NAV3: variants seen among roughly 807,000 people sequenced by gnomAD.
NAV3 encodes pore membrane and/or filament interacting like protein 1.
Under a neutral mutation model 244.7 loss-of-function variants are expected in NAV3, and 87 were observed. The observed-to-expected ratio is 0.36, with a 90% CI of 0.30 to 0.42. The LOEUF (loss-of-function observed/expected upper bound fraction) is 0.42. Among genes scored for constraint, NAV3 ranks in the 20% least tolerant of loss-of-function variants. The probability of loss-of-function intolerance (pLI) is 1.00; values close to 1 mark genes in which losing one functional copy is unlikely to be tolerated. For missense variants in NAV3, 2,663 were observed against 2,893.3 expected, an observed-to-expected ratio of 0.92 and a Z score of 1.83; for synonymous variants, 1,126 against 1,042.2, an observed-to-expected ratio of 1.08 and a Z score of -1.55.
chr12:77,978,072 A>T lies in NAV3; in HGVS notation c.671+9370A>T, dbSNP rs565934107. 3.3e-5 allele frequency among the ~76,000 whole-genome samples: 5 copies of T among 152,194 alleles called. No homozygotes were observed. The East Asian group carries it at 9.6e-4, about 29-fold the overall frequency. On this transcript the variant is annotated intron_variant, in intron 5 of 39. Coordinates refer to ENST00000397909, the MANE Select transcript of NAV3 (RefSeq NM_001024383.2). ...TAGTTTTACTTTTCTTAACTAAGTC[A>T]GAATCAGTTAAACTTGATTTTCTAG...
chr12:77,628,520 G>A (rs948291237), intron 2 of NAV3, among the ~76,000 whole-genome samples: 4 of 152,152 alleles, frequency 2.6e-5, no homozygotes, highest in African/African-American at 4.8e-5. Context: ...TTTTTCAATA[G>A]TAATTTTTAT....
At chr12:77,995,926 CCTCT>C (rs1872283236) in intron 6 of NAV3, among the ~76,000 whole-genome samples, 1 of 151,976 alleles carries the variant, frequency 6.6e-6, no homozygotes, top group Admixed American at 6.6e-5. Context: ...CTCTCTCTCT[CCTCT>C]CTGCTTCATC....
intron 2 of NAV3, among the ~76,000 whole-genome samples, chr12:77,719,351 A>G (rs1425651232): frequency 6.6e-6 from 1 of 151,384 alleles, no homozygotes; most frequent in Non-Finnish European, 1.5e-5. Flanking sequence ...TGTTGAATAG[A>G]AATTGTGAGA....
At chr12:77,660,969 A>G (rs1327735987) in intron 2 of NAV3, among the ~76,000 whole-genome samples, 3 of 152,070 alleles carry the variant, frequency 2.0e-5, no homozygotes, top group Non-Finnish European at 4.4e-5. Flanking sequence ...TGGATATACC[A>G]TTTTGTTTAT....
chr12:77,768,081 A>G (rs925150215), intron 2 of NAV3, among the ~76,000 whole-genome samples: 1 of 152,204 alleles, frequency 6.6e-6, no homozygotes, highest in African/African-American at 2.4e-5. Context: ...AGTGGAGAGG[A>G]GTCCAGTAGA....
chr12:77,945,121 G>GAAA (rs35006584), intron 3 of NAV3, among the ~76,000 whole-genome samples: 4 of 145,226 alleles, frequency 2.8e-5, no homozygotes, highest in Non-Finnish European at 4.5e-5. Context: ...CACTGTTAGA[G>GAAA]AAAAAAAAAA....
At chr12:77,575,703 A>G (rs1346328946) in intron 2 of NAV3, among the ~76,000 whole-genome samples, 2 of 152,186 alleles carry the variant, frequency 1.3e-5, no homozygotes, top group African/African-American at 4.8e-5. Flanking sequence ...AGAGCATGGT[A>G]AATTTTACTG....
chr12:78,143,770 T>C (rs1956737278), intron 20 of NAV3, among the ~76,000 whole-genome samples: 1 of 152,066 alleles, frequency 6.6e-6, no homozygotes, highest in Non-Finnish European at 1.5e-5. Flanking sequence ...AATTGGAATA[T>C]CTATGGAATA....
intron 1 of NAV3, among the ~76,000 whole-genome samples, chr12:77,883,077 T>C (rs1157321492): frequency 1.3e-5 from 2 of 152,128 alleles, no homozygotes; most frequent in Admixed American, 1.3e-4. Flanking sequence ...CCAGCAATTC[T>C]ATTGCTGGTT....
At chr12:78,027,596 C>G (rs1191596120) in intron 9 of NAV3, among the ~76,000 whole-genome samples, 1 of 152,142 alleles carries the variant, frequency 6.6e-6, no homozygotes, top group Non-Finnish European at 1.5e-5. Flanking sequence ...CAAACCTGAC[C>G]TCCTGTGACA....
chr12:78,049,661 T>G (rs908891446), intron 9 of NAV3, among the ~76,000 whole-genome samples: 1 of 152,210 alleles, frequency 6.6e-6, no homozygotes, highest in African/African-American at 2.4e-5. Context: ...TTCAGCCATC[T>G]TTCTCAGGTC....
rs937771472 is a variant in NAV3 at position 77,760,817 on chromosome 12, A to C, written c.73-179502A>C. On this transcript the variant is annotated intron_variant, in intron 2 of 8. Transcript: ENST00000550042. ...CTTTTATCAAGCTCAAGTGTGAGTC[A>C]GGCAATTACGAGTACTAGGAGGCAG... 5.3e-5 allele frequency among the ~76,000 whole-genome samples: 8 copies of C among 152,298 alleles called. No individual in the cohort carries two copies. The East Asian group carries it at 1.5e-3, about 29-fold the overall frequency.
intron 2 of NAV3, among the ~76,000 whole-genome samples, chr12:77,671,452 C>A (rs1386081104): frequency 1.3e-5 from 2 of 151,984 alleles, no homozygotes; most frequent in Non-Finnish European, 2.9e-5. Context: ...GTTTTCATAG[C>A]CAAAGCAAGA....
At chr12:77,722,046 A>G (rs1012048084) in intron 2 of NAV3, among the ~76,000 whole-genome samples, 3 of 152,116 alleles carry the variant, frequency 2.0e-5, no homozygotes, top group Admixed American at 6.6e-5. Flanking sequence ...ATGTGTTTCA[A>G]TGGAACTGAA....
At chr12:77,621,346 A>G (rs1871361504) in intron 2 of NAV3, among the ~76,000 whole-genome samples, 1 of 152,152 alleles carries the variant, frequency 6.6e-6, no homozygotes, top group African/African-American at 2.4e-5. Context: ...CTCGACATCC[A>G]TCAGCTCTGA....
chr12:77,614,351 C>T (rs1239425059), intron 2 of NAV3, among the ~76,000 whole-genome samples: 1 of 152,030 alleles, frequency 6.6e-6, no homozygotes, highest in Non-Finnish European at 1.5e-5. Context: ...ACCTCTTCAA[C>T]AGACAGCTTT....
chr12:77,660,013 G>A (rs1390364902), intron 2 of NAV3, among the ~76,000 whole-genome samples: 1 of 151,688 alleles, frequency 6.6e-6, no homozygotes, highest in Non-Finnish European at 1.5e-5. Context: ...AATGCTAGAT[G>A]ACGAGTTAGT....
intron 1 of NAV3, among the ~76,000 whole-genome samples, chr12:77,933,240 G>A (rs931837561): frequency 1.3e-5 from 2 of 152,058 alleles, no homozygotes; most frequent in Admixed American, 6.6e-5. Context: ...ATAATGCTTA[G>A]CCTGCCTGCA....
intron 20 of NAV3, among the ~76,000 whole-genome samples, chr12:78,140,713 G>C (rs948515257): frequency 2.0e-5 from 3 of 151,972 alleles, no homozygotes; most frequent in Non-Finnish European, 4.4e-5. Flanking sequence ...ACTGTTAATT[G>C]TTCTATAGTA....
Sources: allele counts gnomAD v4.1 joint callset (sites outside exome capture counted in the v4.1 genomes callset), GRCh38; gene constraint gnomAD v4.1.1; transcripts MANE v1.5; gene names NCBI Gene and HGNC (gene_info 2026-07-23, HGNC 2026-07-21).